GABRA5: variants seen among roughly 807,000 people sequenced by gnomAD.
The protein encoded by GABRA5 is gamma-aminobutyric acid type A receptor subunit alpha5, also known as gamma-aminobutyric acid receptor subunit alpha-5.
In GABRA5, 18 loss-of-function variants were observed where a neutral mutation model predicts 47.3. That is an observed-to-expected ratio of 0.38 (90% CI 0.26 to 0.56). The LOEUF (loss-of-function observed/expected upper bound fraction) is 0.56, where lower values mean the gene tolerates loss of function less well. Ranked by LOEUF, GABRA5 falls within the 20% of genes least tolerant of loss-of-function variation. GABRA5 has a pLI of 0.71. For missense variants in GABRA5, 365 were observed against 599.3 expected (o/e 0.61, Z 4.08); for synonymous variants, 237 against 229.3 (o/e 1.03, Z -0.30).
chr15:26,942,713 C>T (rs1267059857), intron 9 of GABRA5, among the ~76,000 whole-genome samples: 2 of 152,170 alleles, frequency 1.3e-5, no homozygotes, highest in Non-Finnish European at 2.9e-5. Context: ...CCTCAGTTCA[C>T]ATTCTAAAGG....
chr15:26,880,062 C>A (rs1237710270), intron 3 of GABRA5, among the ~76,000 whole-genome samples: 1 of 152,234 alleles, frequency 6.6e-6, no homozygotes, highest in Non-Finnish European at 1.5e-5. Flanking sequence ...TCTGTCCCCC[C>A]AGATACCATC....
At chr15:26,902,400 G>A (rs770619920) in intron 6 of GABRA5, among the ~76,000 whole-genome samples, 26 of 151,998 alleles carry the variant, frequency 1.7e-4, no homozygotes, top group Non-Finnish European at 3.2e-4. Context: ...GGGTGCTAAT[G>A]TAACTTGTAT....
rs368443456 is a variant in GABRA5, at chr15:26,915,727, A to C, written c.580+842A>C. ...CTTCACTTGTGCACATGCTATATGA[A>C]GTTTTCACTTTGAAAGCAGAATGTT... On this transcript the variant is annotated intron_variant, in intron 7 of 10. Coordinates refer to ENST00000335625, the MANE Select transcript of GABRA5 (RefSeq NM_000810.4). Among the ~76,000 whole-genome samples, 6 of 152,280 alleles carry C rather than the reference A, an allele frequency of 3.9e-5. No homozygotes were observed. In the East Asian group the frequency reaches 5.8e-4, roughly 15 times the overall value.
In GABRA5 at chr15:26,940,083, T is replaced by C; in HGVS notation, c.877+6T>C. Reference sequence around the variant, plus strand: ...CCCAGCCAGGACAGTTTTTGGTGAGTGTCCCCAAGCCAGGCCTGGACACTG... The same window carrying C: ...CCCAGCCAGGACAGTTTTTGGTGAGCGTCCCCAAGCCAGGCCTGGACACTG... On this transcript the variant is annotated splice_donor_region_variant and intron_variant, in intron 9 of 10. Coordinates refer to ENST00000335625, the MANE Select transcript of GABRA5 (RefSeq NM_000810.4). 1 of 1,609,576 alleles carries C rather than the reference T, an allele frequency of 6.2e-7. No homozygotes were observed. The highest frequency in any genetic ancestry group is 8.5e-7 in the Non-Finnish European group (1 of 1,177,440).
At chr15:26,929,767 G>A (rs926958909) in intron 7 of GABRA5, among the ~76,000 whole-genome samples, 10 of 152,272 alleles carry the variant, frequency 6.6e-5, no homozygotes, top group East Asian at 1.9e-4. Context: ...AGGGCAGGGC[G>A]CCTCTCCGTC....
intron 10 of GABRA5, among the ~76,000 whole-genome samples, chr15:26,944,909 G>A (rs1339416348): frequency 6.6e-6 from 1 of 152,100 alleles, no homozygotes; most frequent in African/African-American, 2.4e-5. Flanking sequence ...TGAGCCCCCG[G>A]GTGAATGGAG....
rs1893684148 is a variant in GABRA5, at chr15:26,914,866, C to T, written c.561C>T (p.Cys187=). The part of the protein sequence containing the change: ...LEDFPMDAHA[C]PLKFGSYAYP... The stretch of plus-strand genomic sequence containing the variant: ...ACTTCCCGATGGATGCGCACGCTTG[C>T]CCTCTGAAATTTGGCAGCTGTAAGT... Residue 187 remains cysteine (C), a synonymous_variant, in exon 7 of 11, where the codon TGC becomes TGT. Transcript: ENST00000335625. 1 of 1,613,888 alleles carries T rather than the reference C, an allele frequency of 6.2e-7. No individual in the cohort carries two copies. Among genetic ancestry groups the T allele is most frequent in the African/African-American group, 1.3e-5 (1 of 75,030 alleles).
chr15:26,941,360 CAAG>C (rs1215536709), intron 9 of GABRA5, among the ~76,000 whole-genome samples: 2 of 151,734 alleles, frequency 1.3e-5, no homozygotes, highest in Non-Finnish European at 2.9e-5. Flanking sequence ...ATTAAAGGCC[CAAG>C]AAGAAGACTC....
At chr15:26,885,070 G>A (rs1301119270) in intron 6 of GABRA5, among the ~76,000 whole-genome samples, 1 of 152,140 alleles carries the variant, frequency 6.6e-6, no homozygotes, top group Non-Finnish European at 1.5e-5. Flanking sequence ...GCCGAGGCGG[G>A]AGGATCACGA....
Position 26,867,119 on chromosome 15 carries a change from C to A in GABRA5, c.-140+8C>A. The A allele has an allele frequency of 6.6e-6, 1 of 151,906 alleles. No individual in the cohort carries two copies. The highest frequency in any genetic ancestry group is 1.8e-4 in the South Asian group (1 of 5,514). 9.4% of individuals were successfully genotyped at this position (151,906 alleles called of 1,614,324 possible). A position where few individuals can be genotyped will look rare whatever the true frequency, so the allele number is the denominator to read the frequency against. ...ATGTGGCGCTCGGGCGAGGTGAGAG[C>A]GGGCGCGAGTGCGCCGGGGGCGCTG... On this transcript the variant is annotated splice_region_variant and intron_variant, in intron 1 of 10. Transcript: ENST00000335625. This position sits in a 1 kb window ranked among gnomAD's most constrained non-coding sequence, Gnocchi z 5.9.
At chr15:26,903,429 C>T (rs193278839) in intron 6 of GABRA5, among the ~76,000 whole-genome samples, 1 of 152,130 alleles carries the variant, frequency 6.6e-6, no homozygotes, top group East Asian at 1.9e-4. Context: ...GTGTGCATGT[C>T]TCTTTATCAT....
intron 6 of GABRA5, among the ~76,000 whole-genome samples, chr15:26,913,296 TC>T (rs1399425440): frequency 2.0e-5 from 3 of 152,156 alleles, no homozygotes; most frequent in South Asian, 4.1e-4. Flanking sequence ...GGGGAAACCT[TC>T]CGTCAAAAGT....
intron 6 of GABRA5, among the ~76,000 whole-genome samples, chr15:26,891,291 T>G (rs934587452): frequency 6.6e-6 from 1 of 152,176 alleles, no homozygotes. Flanking sequence ...AAACCAGAGC[T>G]TCAGAAATAT....
At chr15:26,888,167 A>G (rs1219936238) in intron 6 of GABRA5, among the ~76,000 whole-genome samples, 4 of 152,194 alleles carry the variant, frequency 2.6e-5, no homozygotes, top group Admixed American at 2.6e-4. Flanking sequence ...CTTATCCATG[A>G]TGTTGGCTCT....
At chr15:26,945,776 C>T (rs764116144) in intron 10 of GABRA5, among the ~76,000 whole-genome samples, 5 of 152,116 alleles carry the variant, frequency 3.3e-5, no homozygotes, top group Non-Finnish European at 7.4e-5. Context: ...CCACCAGCGC[C>T]GTGACTATGC....
chr15:26,936,161 T>C (rs1566886065), intron 7 of GABRA5, among the ~76,000 whole-genome samples: 1 of 152,164 alleles, frequency 6.6e-6, no homozygotes. Flanking sequence ...TCCGCCATGA[T>C]TGTATGTTTC....
Position 26,883,564 on chromosome 15 carries a change from GCC to G in GABRA5, c.497+8_497+9del. The G allele has an allele frequency of 1.3e-6, 2 of 1,534,848 alleles. No individual in the cohort carries two copies. The highest frequency in any genetic ancestry group is 1.8e-6 in the Non-Finnish European group (2 of 1,122,218). ...CCCTGCTCTACACCATGCGGTGAGCGCCGGGCGGGGGCGGGCGGGGCCGGGGG... is the reference window on the plus strand; with the variant it reads ...CCCTGCTCTACACCATGCGGTGAGCGGGGCGGGGGCGGGCGGGGCCGGGGG... On this transcript the variant is annotated splice_region_variant and intron_variant, in intron 6 of 10. Transcript: ENST00000335625. This position sits in a 1 kb window ranked among gnomAD's most constrained non-coding sequence, Gnocchi z 4.8.
intron 7 of GABRA5, among the ~76,000 whole-genome samples, chr15:26,932,415 A>T (rs1894130059): frequency 6.6e-6 from 1 of 152,272 alleles, no homozygotes; most frequent in Admixed American, 6.5e-5. Context: ...CCACAATGAG[A>T]TACCATCTCA....
intron 6 of GABRA5, among the ~76,000 whole-genome samples, chr15:26,886,296 A>G (rs1892878396): frequency 6.6e-6 from 1 of 152,224 alleles, no homozygotes; most frequent in Admixed American, 6.5e-5. Flanking sequence ...CTGGGATTAC[A>G]GGCGTGAGCC....
Sources: gnomAD v4.1 joint callset for allele counts (sites outside exome capture counted in the v4.1 genomes callset) on GRCh38, gnomAD v4.1.1 for gene constraint, Gnocchi (gnomAD v3.1) non-coding constraint, MANE v1.5 for transcripts, NCBI Gene and HGNC (gene_info 2026-07-23, HGNC 2026-07-21) for gene names.